Variants in SYT1 observed in about 807,000 individuals in gnomAD.
The protein encoded by SYT1 is synaptotagmin-1.
A neutral mutation model predicts 44.8 loss-of-function variants in SYT1; 8 were observed. That is an observed-to-expected ratio of 0.18 (90% CI 0.10 to 0.32). The LOEUF (loss-of-function observed/expected upper bound fraction) is 0.32. SYT1 is among the 10% of genes least tolerant of loss of function. The pLI is 1.00. For missense variants in SYT1, 286 were observed against 509.3 expected (o/e 0.56, Z 4.22); for synonymous variants, 154 against 188.8 (o/e 0.82, Z 1.51).
intron 2 of SYT1, among the ~76,000 whole-genome samples, chr12:79,007,540 G>A (rs994918403): frequency 6.6e-6 from 1 of 152,104 alleles, no homozygotes; most frequent in African/African-American, 2.4e-5. Flanking sequence ...GCAGGAACTT[G>A]ATGCCCTTAA....
intron 4 of SYT1, among the ~76,000 whole-genome samples, chr12:79,261,243 A>G (rs1010228292): frequency 6.6e-6 from 1 of 152,252 alleles, no homozygotes; most frequent in African/African-American, 2.4e-5. Flanking sequence ...TTCACTGCCT[A>G]CAAAACTTAA....
intron 8 of SYT1, among the ~76,000 whole-genome samples, chr12:79,300,547 G>A (rs1485589831): frequency 6.6e-6 from 1 of 151,780 alleles, no homozygotes; most frequent in Non-Finnish European, 1.5e-5. Context: ...ACCAATCTGA[G>A]GCTATGAACT....
intron 3 of SYT1, among the ~76,000 whole-genome samples, chr12:79,168,797 A>G (rs1296038156): frequency 6.6e-6 from 1 of 152,048 alleles, no homozygotes; most frequent in African/African-American, 2.4e-5. Context: ...AATTATCTAT[A>G]GGTTTGCCTT....
intron 3 of SYT1, among the ~76,000 whole-genome samples, chr12:79,086,019 G>T (rs1013484555): frequency 9.2e-5 from 14 of 152,040 alleles, no homozygotes; most frequent in African/African-American, 2.7e-4. Context: ...TAGTCAGTCT[G>T]AATATTGACT....
chr12:78,899,557 C>T (rs1165426501), intron 1 of SYT1, among the ~76,000 whole-genome samples: 1 of 151,824 alleles, frequency 6.6e-6, no homozygotes. Context: ...ACAATCTACT[C>T]TATTTAAAAG....
chr12:79,004,410 C>T (rs1160100182), intron 2 of SYT1, among the ~76,000 whole-genome samples: 2 of 151,900 alleles, frequency 1.3e-5, no homozygotes, highest in Non-Finnish European at 2.9e-5. Context: ...TTACTGAGCT[C>T]TACACAAATT....
At chr12:79,109,456 C>T (rs1175645640) in intron 3 of SYT1, among the ~76,000 whole-genome samples, 1 of 152,102 alleles carries the variant, frequency 6.6e-6, no homozygotes, top group Non-Finnish European at 1.5e-5. Context: ...CACCTACGCC[C>T]AGCTAGATCA....
chr12:79,146,027 G>T (rs1286565014), intron 3 of SYT1, among the ~76,000 whole-genome samples: 1 of 152,096 alleles, frequency 6.6e-6, no homozygotes, highest in Non-Finnish European at 1.5e-5. Context: ...AAAGTGCTGG[G>T]ATTACAGGCG....
rs71091653 is a variant in SYT1, at chr12:79,215,918, C to CTT, written c.-17-1556_-17-1555dup. On this transcript the variant is annotated intron_variant, in intron 3 of 10. Coordinates refer to ENST00000261205, the MANE Select transcript of SYT1 (RefSeq NM_005639.3). ...ACTCACAAATCGTTTGCATTTCTTTCTTTTTTTTTTTTTTTTTTTTTTTTT... is the reference window on the plus strand; with the variant it reads ...ACTCACAAATCGTTTGCATTTCTTTCTTTTTTTTTTTTTTTTTTTTTTTTTTT... Among the ~76,000 whole-genome samples, 407 of 76,764 alleles carry CTT rather than the reference C, an allele frequency of 5.3e-3. 38 individuals are homozygous for CTT. Among genetic ancestry groups the CTT allele is most frequent in the Non-Finnish European group, 7.4e-3 (326 of 43,868 alleles). 50.4% of individuals were successfully genotyped at this position (76,764 alleles called of 152,430 possible).
chr12:79,263,045 C>A (rs1452987992), intron 4 of SYT1, among the ~76,000 whole-genome samples: 3 of 152,166 alleles, frequency 2.0e-5, no homozygotes, highest in Non-Finnish European at 2.9e-5. Context: ...TCGCTTACTG[C>A]CCCCTCTGCA....
intron 9 of SYT1, among the ~76,000 whole-genome samples, chr12:79,417,995 C>T (rs1411846046): frequency 1.2e-4 from 19 of 152,094 alleles, no homozygotes; most frequent in African/African-American, 1.9e-4. Flanking sequence ...CTTACTCTAC[C>T]GTTACTCCCT....
chr12:79,279,618 C>G (rs1236539972), intron 4 of SYT1, among the ~76,000 whole-genome samples: 3 of 152,084 alleles, frequency 2.0e-5, no homozygotes, highest in Non-Finnish European at 4.4e-5. Context: ...CCAGTTTTAC[C>G]ACTTCCATTC....
chr12:79,337,863 A>T (rs1386171532), intron 8 of SYT1, among the ~76,000 whole-genome samples: 1 of 152,194 alleles, frequency 6.6e-6, no homozygotes, highest in Non-Finnish European at 1.5e-5. Flanking sequence ...TTTACATTTT[A>T]ACAGAAGATA....
intron 4 of SYT1, among the ~76,000 whole-genome samples, chr12:79,235,075 A>G (rs1333897588): frequency 1.3e-5 from 2 of 152,140 alleles, no homozygotes; most frequent in African/African-American, 2.4e-5. Flanking sequence ...GAGGACATAT[A>G]TTTATTATGT....
At chr12:79,224,754 A>T (rs954286427) in intron 4 of SYT1, among the ~76,000 whole-genome samples, 41 of 6,170 alleles carry the variant, frequency 6.6e-3, no homozygotes, top group East Asian at 0.02. Flanking sequence ...TTTATTTTTT[A>T]TTATTATTAT....
chr12:78,936,945 G>A (rs1878095715), intron 1 of SYT1, among the ~76,000 whole-genome samples: 1 of 152,166 alleles, frequency 6.6e-6, no homozygotes, highest in South Asian at 2.1e-4. Context: ...AAAGACAGGG[G>A]AATAGGAGCT....
At chr12:79,386,622 G>C (rs1352578951) in intron 9 of SYT1, among the ~76,000 whole-genome samples, 1 of 151,832 alleles carries the variant, frequency 6.6e-6, no homozygotes, top group Non-Finnish European at 1.5e-5. Context: ...TGCTTATTTT[G>C]CTTTTATTAA....
chr12:79,073,083 T>G (rs1475326581), intron 3 of SYT1, among the ~76,000 whole-genome samples: 1 of 152,162 alleles, frequency 6.6e-6, no homozygotes, highest in Non-Finnish European at 1.5e-5. Flanking sequence ...ATATGTCTGA[T>G]GCAATAGTTA....
chr12:79,079,371 A>T (rs1348783884), intron 3 of SYT1, among the ~76,000 whole-genome samples: 1 of 152,108 alleles, frequency 6.6e-6, no homozygotes, highest in Admixed American at 6.5e-5. Flanking sequence ...TGAATCCAAG[A>T]TGTAAAAGCC....
Sources: allele counts gnomAD v4.1 joint callset (sites outside exome capture counted in the v4.1 genomes callset), GRCh38; gene constraint gnomAD v4.1.1; transcripts MANE v1.5; gene names NCBI Gene and HGNC (gene_info 2026-07-23, HGNC 2026-07-21).